The following ZKSCAN3 variants were observed in gnomAD, a reference collection of about 807,000 sequenced individuals.
ZKSCAN3 encodes zinc finger protein with KRAB and SCAN domains 3.
Under a neutral mutation model 30.7 loss-of-function variants are expected in ZKSCAN3, and 21 were observed. The ratio of observed to expected loss-of-function variants is 0.68; its 90% CI spans 0.49 to 0.99. The LOEUF is 0.99. Ranked by LOEUF, ZKSCAN3 falls within the 50% of genes least tolerant of loss-of-function variation. The pLI is 0.00. For synonymous variants in ZKSCAN3, 201 were observed against 246.7 expected (o/e 0.81, Z 1.73); for missense variants, 507 against 647.1 (o/e 0.78, Z 2.35).
At position 28,363,564 on chromosome 6, in the gene ZKSCAN3, C is replaced by T. The variant is rs1334620911; in HGVS notation, c.634-128C>T. ...TTATCATTAACTTTATTTAGGTGCC[C>T]ACTTAAGAGGCTTTTCCTGTTTATT... On this transcript the variant is annotated intron_variant, in intron 4 of 5. Coordinates refer to ENST00000252211, the MANE Select transcript of ZKSCAN3 (RefSeq NM_024493.4). The T allele has an allele frequency of 8.9e-6, 13 of 1,455,408 alleles. No homozygotes were observed. The South Asian group carries it at 1.3e-4, about 15-fold the overall frequency. The allele number at this position is 1,455,408 out of a possible 1,614,324, so 90.2% of individuals were successfully genotyped here. A position where few individuals can be genotyped will look rare whatever the true frequency, so the allele number is the denominator to read the frequency against.
chr6:28,363,621 T>C, intron 4 of ZKSCAN3, 71 bp from the exon 5 acceptor site: 1 of 1,601,514 alleles, frequency 6.2e-7, no homozygotes, highest in Non-Finnish European at 8.5e-7. Context: ...GGCCTGGGGG[T>C]GCTTCCCAGA....
intron 1 of ZKSCAN3, among the ~76,000 whole-genome samples, chr6:28,357,406 TG>T (rs1264691121): frequency 6.6e-6 from 1 of 152,194 alleles, no homozygotes; most frequent in Non-Finnish European, 1.5e-5. Context: ...TCAGGAAACC[TG>T]GCTTCAGAAC....
chr6:28,360,816 A>T, intron 2 of ZKSCAN3: 1 of 934,386 alleles, frequency 1.1e-6, no homozygotes, highest in South Asian at 4.9e-5. Flanking sequence ...TGAGAAAGTA[A>T]CTTGAAAACT....
rs1765941694 is a variant in ZKSCAN3, at chr6:28,365,874, C to G, written c.1206C>G (p.Asp402Glu). ...GGGAGAAGCCCTATGAGTGTGATGA[C>G]TGTGGGAAGACCTTCAGCCAGAGCT... ...HTGEKPYECD[D>E]CGKTFSQSCS... Residue 402 changes from aspartate (D) to glutamate (E), a missense_variant, in exon 6 of 6, where the codon GAC becomes GAG. Transcript: ENST00000252211. The G allele has an allele frequency of 1.2e-6, 2 of 1,613,108 alleles. No homozygotes were observed. The highest frequency in any genetic ancestry group is 1.7e-6 in the Non-Finnish European group (2 of 1,179,616).
intron 1 of ZKSCAN3, 82 bp from the exon 2 acceptor site, chr6:28,359,443 C>A: frequency 9.5e-7 from 1 of 1,051,866 alleles, no homozygotes; most frequent in Non-Finnish European, 1.3e-6. Flanking sequence ...AGCAGTTCCC[C>A]AGAGATGTCT....
At position 28,363,396 on chromosome 6, in the gene ZKSCAN3, G is replaced by A; in HGVS notation, c.633+11G>A. On this transcript the variant is annotated intron_variant, in intron 4 of 5. Coordinates refer to ENST00000252211, the MANE Select transcript of ZKSCAN3 (RefSeq NM_024493.4). Reference sequence around the variant, plus strand: ...ACTCCAGAGTCCCAGGTGAGCTGGAGCCCTATCCCTCCCCCAATGCCCCTC... The same window carrying A: ...ACTCCAGAGTCCCAGGTGAGCTGGAACCCTATCCCTCCCCCAATGCCCCTC... 6.2e-7 allele frequency: 1 copy of A among 1,612,622 alleles called. No homozygotes were observed. The highest frequency in any genetic ancestry group is 8.5e-7 in the Non-Finnish European group (1 of 1,179,106).
chr6:28,355,024 T>C (rs1765331122), intron 1 of ZKSCAN3, among the ~76,000 whole-genome samples: 1 of 152,232 alleles, frequency 6.6e-6, no homozygotes, highest in African/African-American at 2.4e-5. Context: ...TAGGCTGGGC[T>C]GCAACAGCAG....
chr6:28,361,509 C>G, intron 3 of ZKSCAN3, 38 bp downstream of exon 3: 3 of 1,566,248 alleles, frequency 1.9e-6, no homozygotes, highest in Non-Finnish European at 2.6e-6. Context: ...ATTCTGCAGA[C>G]TTCATCCAAT....
At chr6:28,363,440 G>C in intron 4 of ZKSCAN3, 55 bp downstream of exon 4, 1 of 1,537,868 alleles carries the variant, frequency 6.5e-7, no homozygotes, top group Non-Finnish European at 8.9e-7. Context: ...TGAGCTTCCT[G>C]TGAAGACTCC....
intron 3 of ZKSCAN3, among the ~76,000 whole-genome samples, 179 bp from the exon 4 acceptor site, chr6:28,363,119 AGGGTC>A (rs1765827195): frequency 6.6e-6 from 1 of 152,178 alleles, no homozygotes; most frequent in Admixed American, 6.5e-5. Flanking sequence ...TTAGAGAGAC[AGGGTC>A]TTACTTTGTT....
intron 2 of ZKSCAN3, chr6:28,360,760 T>A (rs1306315132): frequency 2.0e-6 from 2 of 985,280 alleles, no homozygotes; most frequent in Non-Finnish European, 2.4e-6. Context: ...TGCGAGTCTC[T>A]TAGCTTCATT....
chr6:28,354,060 G>A (rs180786068), intron 1 of ZKSCAN3: 1 of 413,734 alleles, frequency 2.4e-6, no homozygotes, highest in South Asian at 1.8e-5. Flanking sequence ...CTCAGCAAAC[G>A]GCTCTGTGGC....
In ZKSCAN3 at chr6:28,359,529, CT is replaced by C; in HGVS notation, c.-56del. The C allele has an allele frequency of 6.4e-7, 1 of 1,568,948 alleles. No individual in the cohort carries two copies. The highest frequency in any genetic ancestry group is 2.3e-5 in the East Asian group (1 of 44,304). ...TAATGATTTCCCACCTTTCAGGGAT[CT>C]TCTGCAGAAATAGCGCTGGAAGCTA... On this transcript the variant is annotated 5_prime_UTR_variant, in exon 2 of 6. Transcript: ENST00000252211.
chr6:28,354,961 A>G (rs565514684), intron 1 of ZKSCAN3, among the ~76,000 whole-genome samples: 1 of 152,204 alleles, frequency 6.6e-6, no homozygotes, highest in Non-Finnish European at 1.5e-5. Context: ...CCCTGAGTTC[A>G]GTTTATTAGC....
Position 28,363,305 on chromosome 6 carries a change from C to G in ZKSCAN3, c.553C>G (p.Leu185Val), listed in dbSNP as rs770113386. The change falls in exon 4 of 6, where the codon CTC (leucine) becomes GTC (valine). Residue 185 changes from leucine to valine, a missense_variant and splice_region_variant. By Grantham distance (32) the Leu-to-Val change is conservative. Transcript: ENST00000252211. The stretch of plus-strand genomic sequence containing the variant: ...TCCAGAGCTTCTTTCCTTCTTAGTT[C>G]TCCAGGTCCCCGTGCTTGCCCATGG... ...VGSQPLQDRV[L>V]QVPVLAHGGC... 11 of 1,613,816 alleles carry G rather than the reference C, an allele frequency of 6.8e-6. No individual in the cohort carries two copies. Among genetic ancestry groups the G allele is most frequent in the Admixed American group, 1.7e-5 (1 of 59,992 alleles).
chr6:28,365,977 C>T lies in ZKSCAN3; in HGVS notation c.1309C>T (p.Arg437Ter), dbSNP rs149951499. 34 of 1,614,084 alleles carry T rather than the reference C, an allele frequency of 2.1e-5. No individual in the cohort carries two copies. Among genetic ancestry groups the T allele is most frequent in the Middle Eastern group, 3.3e-4 (2 of 6,060 alleles). The change falls in exon 6 of 6, where the codon CGA becomes TGA. Residue 437 changes from arginine to a stop codon, truncating the protein, a stop_gained. Coordinates refer to ENST00000252211, the MANE Select transcript of ZKSCAN3 (RefSeq NM_024493.4). LOFTEE classifies it low-confidence loss of function (END_TRUNC). ...QCSMCGKAFRRSSHLLRHQRI... is the reference protein window; with the variant it reads ...QCSMCGKAFR Reference sequence around the variant, plus strand: ...CAGTATGTGTGGCAAAGCCTTTAGGCGAAGTTCACATCTCCTGAGACATCA... The same window carrying T: ...CAGTATGTGTGGCAAAGCCTTTAGGTGAAGTTCACATCTCCTGAGACATCA...
intron 1 of ZKSCAN3, among the ~76,000 whole-genome samples, chr6:28,353,110 A>G (rs546561790): frequency 1.3e-5 from 2 of 152,130 alleles, no homozygotes; most frequent in Admixed American, 6.5e-5. Flanking sequence ...CTGAGACTAT[A>G]GGCGCATGCC....
intron 3 of ZKSCAN3, among the ~76,000 whole-genome samples, chr6:28,362,126 C>G (rs954673026): frequency 1.3e-5 from 2 of 152,162 alleles, no homozygotes; most frequent in Admixed American, 1.3e-4. Context: ...CTTTGTTCTT[C>G]TTTAACTTGT....
chr6:28,366,231 A>T lies in ZKSCAN3; in HGVS notation c.1563A>T (p.Ser521=). The T allele has an allele frequency of 1.3e-6, 2 of 1,563,524 alleles. No individual in the cohort carries two copies. The highest frequency in any genetic ancestry group is 2.2e-5 in the East Asian group (1 of 44,688). ...NACGKGFTRI[S]YLVQHQRSHV... is the part of the protein sequence containing the mutation. ...GTGGAAAAGGCTTCACCCGAATTTC[A>T]TACCTTGTTCAACATCAGAGAAGCC... Residue 521 remains serine (S), a synonymous_variant, in exon 6 of 6, where the codon TCA becomes TCT. Transcript: ENST00000252211.
Sources: allele counts gnomAD v4.1 joint callset (sites outside exome capture counted in the v4.1 genomes callset), GRCh38; gene constraint gnomAD v4.1.1; transcripts MANE v1.5; gene names NCBI Gene and HGNC (gene_info 2026-07-23, HGNC 2026-07-21).